Variants in ADARB2 observed in about 807,000 individuals in gnomAD.
ADARB2 encodes the protein inactive double-stranded RNA-specific editase B2.
In ADARB2, 25 loss-of-function variants were observed where a neutral mutation model predicts 62.2. That is an observed-to-expected ratio of 0.40 (90% CI 0.29 to 0.56). The LOEUF (loss-of-function observed/expected upper bound fraction) is 0.56, where lower values mean the gene tolerates loss of function less well. Ranked by LOEUF, ADARB2 falls within the 20% of genes least tolerant of loss-of-function variation. The pLI, the probability that ADARB2 is intolerant of heterozygous loss-of-function variation, is 0.43. For synonymous variants in ADARB2, 572 were observed against 500.8 expected (o/e 1.14, Z -1.90); for missense variants, 1,071 against 1,077.4 (o/e 0.99, Z 0.08).
chr10:1,722,652 T>G (rs1239203626), intron 1 of ADARB2, among the ~76,000 whole-genome samples: 1 of 152,148 alleles, frequency 6.6e-6, no homozygotes, highest in Non-Finnish European at 1.5e-5. Context: ...TTTTCTATTC[T>G]TCTCTTGGGA....
intron 4 of ADARB2, among the ~76,000 whole-genome samples, chr10:1,251,547 G>A (rs183246619): frequency 2.5e-4 from 38 of 152,250 alleles, no homozygotes; most frequent in Admixed American, 2.0e-3. Flanking sequence ...GTCCAACACC[G>A]GGAGCGAACC....
intron 3 of ADARB2, among the ~76,000 whole-genome samples, chr10:1,302,318 G>A (rs1241410466): frequency 6.6e-5 from 10 of 152,152 alleles, no homozygotes; most frequent in Non-Finnish European, 1.2e-4. Flanking sequence ...GCGCTTTTCC[G>A]ACGGGCTTAA....
Position 1,181,465 on chromosome 10 carries a change from C to T in ADARB2, c.*1728G>A, listed in dbSNP as rs541236083. On this transcript the variant is annotated 3_prime_UTR_variant, in exon 10 of 10. Coordinates refer to ENST00000381312, the MANE Select transcript of ADARB2 (RefSeq NM_018702.4). ...TTTATCTGGAAGAAGTTGTCTACTC[C>T]AGTACCTGTTTTCTTTTCTAAAAGA... 1 of 152,326 alleles carries T rather than the reference C, an allele frequency of 6.6e-6. No homozygotes were observed. The highest frequency in any genetic ancestry group is 2.1e-4 in the South Asian group (1 of 4,830). The allele number at this position is 152,326 out of a possible 1,614,324, so 9.4% of individuals were successfully genotyped here.
chr10:1,692,487 A>C (rs78672557), intron 1 of ADARB2, among the ~76,000 whole-genome samples: 1 of 152,162 alleles, frequency 6.6e-6, no homozygotes, highest in African/African-American at 2.4e-5. Flanking sequence ...CACTGTCCCA[A>C]ATTCAGCAGG....
At chr10:1,649,217 G>T (rs1256362484) in intron 1 of ADARB2, among the ~76,000 whole-genome samples, 1 of 152,170 alleles carries the variant, frequency 6.6e-6, no homozygotes, top group African/African-American at 2.4e-5. Flanking sequence ...AAAGAAGGAT[G>T]ATTTATTTTT....
intron 1 of ADARB2, among the ~76,000 whole-genome samples, chr10:1,664,152 C>G (rs1043273816): frequency 2.0e-5 from 3 of 151,808 alleles, no homozygotes; most frequent in East Asian, 3.9e-4. Flanking sequence ...ATGTGGGTTT[C>G]TGTGTGCCCG....
intron 1 of ADARB2, among the ~76,000 whole-genome samples, chr10:1,600,720 T>G (rs899731221): frequency 2.0e-5 from 3 of 149,594 alleles, no homozygotes; most frequent in Non-Finnish European, 4.4e-5. Context: ...TAATTTATTA[T>G]GTAATAGCTG....
At chr10:1,640,918 A>G (rs1272501715) in intron 1 of ADARB2, among the ~76,000 whole-genome samples, 1 of 152,210 alleles carries the variant, frequency 6.6e-6, no homozygotes, top group African/African-American at 2.4e-5. Context: ...CGGCTGGACA[A>G]AGCTGCCCTG....
chr10:1,405,574 G>A (rs1227451249), intron 1 of ADARB2, among the ~76,000 whole-genome samples: 1 of 143,746 alleles, frequency 7.0e-6, no homozygotes, highest in African/African-American at 2.6e-5. Context: ...AGAGGTTGCA[G>A]TGAGCAGAGA....
Position 1,737,433 on chromosome 10 carries a change from G to A in ADARB2, c.-283C>T. 1 of 434,240 alleles carries A rather than the reference G, an allele frequency of 2.3e-6. No homozygotes were observed. Among genetic ancestry groups the A allele is most frequent in the Non-Finnish European group, 4.2e-6 (1 of 239,300 alleles). The allele number at this position is 434,240 out of a possible 1,614,324, so 26.9% of individuals were successfully genotyped here. On this transcript the variant is annotated 5_prime_UTR_variant, in exon 1 of 10. Coordinates refer to ENST00000381312, the MANE Select transcript of ADARB2 (RefSeq NM_018702.4). ...GGGCGCGCGGCGTCCTGAGTGCTCC[G>A]AGCTTCCCGCGGGCTCTGCCTCCTG...
chr10:1,657,319 C>T (rs543700138), intron 1 of ADARB2, among the ~76,000 whole-genome samples: 2 of 152,158 alleles, frequency 1.3e-5, no homozygotes, highest in East Asian at 1.9e-4. Flanking sequence ...TTGCTCATTG[C>T]ACACAGGAAG....
intron 3 of ADARB2, among the ~76,000 whole-genome samples, chr10:1,325,599 T>G (rs1038268955): frequency 2.0e-5 from 3 of 152,198 alleles, no homozygotes; most frequent in Admixed American, 2.0e-4. Context: ...AGAAAAGTAT[T>G]CAAAACGGGA....
At chr10:1,534,042 GGAGAGAGA>G (rs143736259) in intron 1 of ADARB2, among the ~76,000 whole-genome samples, 1 of 148,118 alleles carries the variant, frequency 6.8e-6, no homozygotes, top group African/African-American at 2.5e-5. Flanking sequence ...AGGGAGGGAG[GGAGAGAGA>G]GAGAGAGAGA....
chr10:1,673,031 C>T (rs1834411208), intron 1 of ADARB2, among the ~76,000 whole-genome samples: 1 of 152,116 alleles, frequency 6.6e-6, no homozygotes, highest in Non-Finnish European at 1.5e-5. Flanking sequence ...TGAACTGAGG[C>T]GTCTGTTTCT....
At chr10:1,358,272 T>C (rs2131847627) in intron 3 of ADARB2, among the ~76,000 whole-genome samples, 1 of 152,298 alleles carries the variant, frequency 6.6e-6, no homozygotes, top group East Asian at 1.9e-4. Context: ...GTGTCTCTGG[T>C]GGGAACAGCT....
chr10:1,200,221 G>A (rs971960564), intron 7 of ADARB2, 74 bp from the exon 8 acceptor site: 11 of 1,539,244 alleles, frequency 7.1e-6, no homozygotes, highest in African/African-American at 6.9e-5. Context: ...GTCCGTCTGC[G>A]GCCTGGTCCT....
chr10:1,564,093 G>A (rs140105171), intron 1 of ADARB2, among the ~76,000 whole-genome samples: 4 of 151,876 alleles, frequency 2.6e-5, no homozygotes, highest in Admixed American at 6.6e-5. Flanking sequence ...ATAAACATAC[G>A]TGTGCAGGTG....
intron 8 of ADARB2, among the ~76,000 whole-genome samples, chr10:1,186,872 C>T (rs1836766300): frequency 6.6e-6 from 1 of 152,246 alleles, no homozygotes; most frequent in African/African-American, 2.4e-5. Context: ...CGGGAGGAAG[C>T]TGTCCCCACG....
At chr10:1,403,149 C>G (rs539297123) in intron 1 of ADARB2, among the ~76,000 whole-genome samples, 1 of 152,348 alleles carries the variant, frequency 6.6e-6, no homozygotes, top group Non-Finnish European at 1.5e-5. Flanking sequence ...GGACCCTGAC[C>G]CCAGCCGCTG....
Sources: gnomAD v4.1 joint callset for allele counts (sites outside exome capture counted in the v4.1 genomes callset) on GRCh38, gnomAD v4.1.1 for gene constraint, MANE v1.5 for transcripts, NCBI Gene and HGNC (gene_info 2026-07-23, HGNC 2026-07-21) for gene names.